The following TMCO4 variants were observed in gnomAD, a reference collection of about 807,000 sequenced individuals.
The protein encoded by TMCO4 is transmembrane and coiled-coil domain-containing protein 4.
In TMCO4, 58 loss-of-function variants were observed where a neutral mutation model predicts 64.7. That is an observed-to-expected ratio of 0.90 (90% CI 0.73 to 1.12). TMCO4 has a LOEUF of 1.12. Among genes scored for constraint, TMCO4 ranks in the 50% most tolerant of loss-of-function variants. The pLI, the probability that TMCO4 is intolerant of heterozygous loss-of-function variation, is 0.00. For missense variants in TMCO4, 780 were observed against 825.9 expected (o/e 0.94, Z 0.68); for synonymous variants, 325 against 346.1 (o/e 0.94, Z 0.68).
chr1:19,735,422 T>C (rs2095449567), intron 13 of TMCO4, among the ~76,000 whole-genome samples: 1 of 151,974 alleles, frequency 6.6e-6, no homozygotes, highest in Non-Finnish European at 1.5e-5. Context: ...AAACCCAAAA[T>C]CTCAGCTATG....
intron 3 of TMCO4, among the ~76,000 whole-genome samples, chr1:19,781,264 C>A (rs2043462062): frequency 6.6e-6 from 1 of 151,668 alleles, no homozygotes; most frequent in Non-Finnish European, 1.5e-5. Context: ...AGTTCAAGAC[C>A]AGCCTGGGCA....
At chr1:19,796,051 T>C (rs762417210) in intron 2 of TMCO4, among the ~76,000 whole-genome samples, 2 of 152,330 alleles carry the variant, frequency 1.3e-5, no homozygotes, top group South Asian at 2.1e-4. Flanking sequence ...CCTGTCCAAA[T>C]AGTGCCCTTT....
At chr1:19,739,059 C>T (rs572837218) in intron 12 of TMCO4, among the ~76,000 whole-genome samples, 4 of 152,320 alleles carry the variant, frequency 2.6e-5, no homozygotes, top group Non-Finnish European at 4.4e-5. Context: ...TATTAGACAA[C>T]CTTGCTAGGC....
chr1:19,793,492 G>A (rs1403924942), intron 2 of TMCO4, among the ~76,000 whole-genome samples: 1 of 152,114 alleles, frequency 6.6e-6, no homozygotes, highest in Non-Finnish European at 1.5e-5. Flanking sequence ...GGCAGGCCCA[G>A]GTCAGCACCC....
rs141650007 is a variant in TMCO4, at chr1:19,778,648, G to A, written c.179+1932C>T. 3.3e-3 allele frequency among the ~76,000 whole-genome samples: 510 copies of A among 152,322 alleles called. 4 individuals carry two copies. The highest frequency in any genetic ancestry group is 0.016 in the South Asian group (77 of 4,824). ...CTACAGATAAATAAACTGAGGCTTA[G>A]GGAAGTTAAATAAACTGCTCGAGGT... On this transcript the variant is annotated intron_variant, in intron 4 of 15. Transcript: ENST00000294543.
Position 19,682,801 on chromosome 1 carries a change from G to A in TMCO4, c.*239C>T. Reference sequence around the variant, plus strand: ...GTTGACTCTGCAGGTCTCTGATGAGGGGGCAGCTGCTCCCTGGTGGGGCTC... The same window carrying A: ...GTTGACTCTGCAGGTCTCTGATGAGAGGGCAGCTGCTCCCTGGTGGGGCTC... On this transcript the variant is annotated 3_prime_UTR_variant, in exon 16 of 16. Transcript: ENST00000294543. 1 of 718,422 alleles carries A rather than the reference G, an allele frequency of 1.4e-6. No individual in the cohort carries two copies. Among genetic ancestry groups the A allele is most frequent in the Non-Finnish European group, 2.6e-6 (1 of 388,462 alleles). The allele number at this position is 718,422 out of a possible 1,614,324, so 44.5% of individuals were successfully genotyped here.
Position 19,771,491 on chromosome 1 carries a change from C to A in TMCO4, c.180-9G>T. The A allele has an allele frequency of 6.2e-7, 1 of 1,612,722 alleles. No individual in the cohort carries two copies. The highest frequency in any genetic ancestry group is 8.5e-7 in the Non-Finnish European group (1 of 1,179,572). On this transcript the variant is annotated splice_polypyrimidine_tract_variant and intron_variant, in intron 4 of 15. Transcript: ENST00000294543. ...ACTCTGTGCAGAAGGAGCTGAAAGG[C>A]AGACATGGCTTAGTTCTCCAGGATC... is the stretch of plus-strand genomic sequence containing the variant.
rs1326971958 is a variant in TMCO4, at chr1:19,682,585, G to A, written c.*455C>T. 40 of 715,872 alleles carry A rather than the reference G, an allele frequency of 5.6e-5. No homozygotes were observed. In the Admixed American group the frequency reaches 7.6e-4, roughly 14 times the overall value. 44.3% of individuals were successfully genotyped at this position (715,872 alleles called of 1,614,324 possible). On this transcript the variant is annotated 3_prime_UTR_variant, in exon 16 of 16. Coordinates refer to ENST00000294543, the MANE Select transcript of TMCO4 (RefSeq NM_181719.7). ...AGTTGATGGTGCCTGTCAGCTGGTG[G>A]GCAGCCCTGGAGTGTGGATGGAAGA...
At chr1:19,738,504 C>T (rs1278449415) in intron 12 of TMCO4, 1 of 152,262 alleles carries the variant, frequency 6.6e-6, no homozygotes, top group Non-Finnish European at 1.5e-5. Context: ...TTGTTTTCAG[C>T]TGGTAAATTT....
chr1:19,719,549 G>A (rs2095372010), intron 13 of TMCO4, among the ~76,000 whole-genome samples: 1 of 152,114 alleles, frequency 6.6e-6, no homozygotes, highest in African/African-American at 2.4e-5. Flanking sequence ...TTGATTTAGA[G>A]ACAGGGTCTC....
chr1:19,693,091 A>G (rs1475288166), intron 15 of TMCO4, among the ~76,000 whole-genome samples: 2 of 140,396 alleles, frequency 1.4e-5, no homozygotes, highest in African/African-American at 5.2e-5. Context: ...GAAGATCACT[A>G]GAGCCTGGGA....
chr1:19,786,967 A>T (rs954842232), intron 3 of TMCO4, 59 bp downstream of exon 3: 2 of 152,204 alleles, frequency 1.3e-5, no homozygotes, highest in African/African-American at 2.4e-5. Flanking sequence ...ACTCAGAAAG[A>T]AGACCATTTT....
At chr1:19,752,967 T>G (rs757531468) in intron 7 of TMCO4, among the ~76,000 whole-genome samples, 1 of 151,796 alleles carries the variant, frequency 6.6e-6, no homozygotes, top group Non-Finnish European at 1.5e-5. Context: ...AATTGTAATT[T>G]TTTTTTTTTG....
intron 14 of TMCO4, among the ~76,000 whole-genome samples, chr1:19,698,590 T>A (rs1367456154): frequency 6.6e-6 from 1 of 152,210 alleles, no homozygotes; most frequent in Admixed American, 6.5e-5. Context: ...ACCCTCCATG[T>A]TTATGTTCTC....
At chr1:19,703,555 T>A (rs1411412938) in intron 13 of TMCO4, among the ~76,000 whole-genome samples, 1 of 138,912 alleles carries the variant, frequency 7.2e-6, no homozygotes, top group Non-Finnish European at 1.6e-5. Flanking sequence ...CTTTTCTTCC[T>A]CTTTTTTTTT....
chr1:19,689,447 G>A (rs1324097461), intron 15 of TMCO4, among the ~76,000 whole-genome samples: 3 of 152,196 alleles, frequency 2.0e-5, no homozygotes, highest in African/African-American at 7.2e-5. Flanking sequence ...AGGATTAAAG[G>A]AGGGCCTACT....
chr1:19,698,681 G>T (rs896162679), intron 14 of TMCO4, among the ~76,000 whole-genome samples: 1 of 151,580 alleles, frequency 6.6e-6, no homozygotes, highest in South Asian at 2.1e-4. Context: ...CAGTTGTTTT[G>T]ATCTACACTC....
At position 19,734,449 on chromosome 1, in the gene TMCO4, G is replaced by A; in HGVS notation, c.1264+2923C>T. 6.6e-6 allele frequency among the ~76,000 whole-genome samples: 1 copy of A among 152,070 alleles called. No individual in the cohort carries two copies. The highest frequency in any genetic ancestry group is 1.9e-4 in the East Asian group (1 of 5,180). Reference sequence around the variant, plus strand: ...GGGTGCCCAGCACCAGTGCCCCCGGGTCCTCCTTGGCAGGATCCACTCAGT... The same window carrying A: ...GGGTGCCCAGCACCAGTGCCCCCGGATCCTCCTTGGCAGGATCCACTCAGT... On this transcript the variant is annotated intron_variant, in intron 13 of 15. Coordinates refer to ENST00000294543, the MANE Select transcript of TMCO4 (RefSeq NM_181719.7). The surrounding 1 kb of genome is among the most constrained non-coding windows in gnomAD (Gnocchi z 4.4).
intron 9 of TMCO4, 146 bp downstream of exon 9, chr1:19,746,310 G>T: frequency 8.1e-7 from 1 of 1,240,750 alleles, no homozygotes; most frequent in Non-Finnish European, 1.1e-6. Context: ...CGAGCTCTGG[G>T]AAGGCTGGGA....
Sources: allele counts gnomAD v4.1 joint callset (sites outside exome capture counted in the v4.1 genomes callset), GRCh38; gene constraint gnomAD v4.1.1; non-coding constraint Gnocchi (gnomAD v3.1); transcripts MANE v1.5; gene names NCBI Gene and HGNC (gene_info 2026-07-23, HGNC 2026-07-21).